CLASP2: variants seen among roughly 807,000 people sequenced by gnomAD.
CLASP2 encodes the protein CLIP-associating protein 2.
Under a neutral mutation model 194.4 loss-of-function variants are expected in CLASP2, and 47 were observed. The ratio of observed to expected loss-of-function variants is 0.24; its 90% CI spans 0.19 to 0.31. The LOEUF is 0.31. Ranked by LOEUF, CLASP2 falls within the 10% of genes least tolerant of loss-of-function variation. The pLI is 1.00. For synonymous variants in CLASP2, 619 were observed against 633.5 expected (o/e 0.98, Z 0.34); for missense variants, 1,445 against 1,823.6 (o/e 0.79, Z 3.78).
At chr3:33,553,068 T>A (rs761790979) in intron 29 of CLASP2, among the ~76,000 whole-genome samples, 14 of 152,286 alleles carry the variant, frequency 9.2e-5, no homozygotes, top group Admixed American at 2.0e-4. Flanking sequence ...GAAAAAATTG[T>A]CAAATTTTAA....
chr3:33,649,507 CACAA>C (rs1435106920), intron 7 of CLASP2, among the ~76,000 whole-genome samples: 1 of 152,122 alleles, frequency 6.6e-6, no homozygotes, highest in Non-Finnish European at 1.5e-5. Context: ...ATACTACAAA[CACAA>C]ACAATGATAC....
chr3:33,522,808 C>T (rs949832150), intron 34 of CLASP2, among the ~76,000 whole-genome samples: 5 of 152,174 alleles, frequency 3.3e-5, no homozygotes, highest in South Asian at 2.1e-4. Context: ...CAGTGGCTCA[C>T]GCCTGTAATC....
intron 7 of CLASP2, among the ~76,000 whole-genome samples, chr3:33,648,429 C>T (rs941145703): frequency 5.3e-5 from 8 of 151,702 alleles, no homozygotes; most frequent in Admixed American, 2.6e-4. Context: ...GGTTATTCCA[C>T]GGGAAAAAAA....
At position 33,684,388 on chromosome 3, in the gene CLASP2, A is replaced by T. The variant is rs751861507; in HGVS notation, c.615T>A (p.Asp205Glu). ...YRHVGEKVRM[D>E]LYKRGIPPAR... ...CAGGGGGAATTCCTCTCTTATAAAG[A>T]TCCATCCTCACTTTTTCTCCCACAT... is the stretch of plus-strand genomic sequence containing the variant. The change falls in exon 6 of 39, where the codon GAT becomes GAA. Residue 205 changes from aspartate (D) to glutamate (E), a missense_variant. By Grantham distance (45) the Asp-to-Glu change is conservative. Around this residue, in one of 4 missense-constraint regions of CLASP2, gnomAD observed 332 missense variants for 325.3 expected, o/e 1.02. Transcript: ENST00000682230. The T allele has an allele frequency of 1.9e-5, 31 of 1,604,606 alleles. No homozygotes were observed. The highest frequency in any genetic ancestry group is 2.6e-5 in the Non-Finnish European group (31 of 1,174,966).
intron 1 of CLASP2, among the ~76,000 whole-genome samples, chr3:33,698,755 CA>C (rs2154352035): frequency 6.6e-6 from 1 of 152,282 alleles, no homozygotes; most frequent in Admixed American, 6.5e-5. Context: ...AGAAAAAAGG[CA>C]TGTCATCTCC....
chr3:33,671,035 T>C (rs1173700572), intron 6 of CLASP2, among the ~76,000 whole-genome samples: 1 of 152,104 alleles, frequency 6.6e-6, no homozygotes, highest in Non-Finnish European at 1.5e-5. Context: ...CTGCTCTAGT[T>C]TTCCACGTGG....
At chr3:33,573,799 C>G (rs2064260413) in intron 24 of CLASP2, among the ~76,000 whole-genome samples, 1 of 151,894 alleles carries the variant, frequency 6.6e-6, no homozygotes, top group African/African-American at 2.4e-5. Context: ...CCATTTTTTT[C>G]TGTCTATCTT....
At chr3:33,648,188 C>G (rs1183601760) in intron 7 of CLASP2, among the ~76,000 whole-genome samples, 1 of 151,918 alleles carries the variant, frequency 6.6e-6, no homozygotes, top group Non-Finnish European at 1.5e-5. Flanking sequence ...ATCAGTAATT[C>G]TCTTAAATAT....
intron 1 of CLASP2, among the ~76,000 whole-genome samples, chr3:33,703,265 A>C (rs1427101978): frequency 6.6e-6 from 1 of 152,244 alleles, no homozygotes; most frequent in Non-Finnish European, 1.5e-5. Context: ...CAACAAGAAA[A>C]TAAACAACTC....
intron 29 of CLASP2, 21 bp from the exon 30 acceptor site, chr3:33,551,416 A>G (rs1232171233): frequency 1.2e-6 from 2 of 1,604,696 alleles, no homozygotes; most frequent in African/African-American, 1.3e-5. Context: ...AAGCACAAAG[A>G]GAAAGGACAG....
At chr3:33,686,490 C>T (rs993202855) in intron 5 of CLASP2, among the ~76,000 whole-genome samples, 2 of 152,128 alleles carry the variant, frequency 1.3e-5, no homozygotes, top group African/African-American at 4.8e-5. Context: ...TCGCATACTC[C>T]TTATGAGAAT....
intron 1 of CLASP2, among the ~76,000 whole-genome samples, chr3:33,715,491 TCC>T: frequency 6.6e-6 from 1 of 152,174 alleles, no homozygotes; most frequent in South Asian, 2.1e-4. Flanking sequence ...AGAATCTAAG[TCC>T]ACAAAGACAA....
At chr3:33,644,534 C>A in intron 8 of CLASP2, 1 of 524,448 alleles carries the variant, frequency 1.9e-6, no homozygotes, top group Non-Finnish European at 3.4e-6. Flanking sequence ...AATAAATACC[C>A]TCAAGAAGAG....
At chr3:33,613,931 G>A (rs2075660620) in intron 12 of CLASP2, among the ~76,000 whole-genome samples, 2 of 152,220 alleles carry the variant, frequency 1.3e-5, no homozygotes, top group South Asian at 4.1e-4. Context: ...CTCAGGGGGA[G>A]CTGTACCAAA....
intron 9 of CLASP2, among the ~76,000 whole-genome samples, chr3:33,630,208 T>G (rs9841066): frequency 0.037 from 5,680 of 152,252 alleles, 344 homozygotes; most frequent in African/African-American, 0.13. Flanking sequence ...AACATATACT[T>G]CTTACACTTC....
intron 28 of CLASP2, 98 bp from the exon 29 acceptor site, chr3:33,559,483 C>G: frequency 1.5e-6 from 1 of 687,186 alleles, no homozygotes. Context: ...TAATGTCATC[C>G]AAAAAACATC....
In CLASP2 at chr3:33,573,318, T is replaced by A. The variant is rs1337994914; in HGVS notation, c.2491A>T (p.Met831Leu). ...CTGTTGGCGTCATCATCTGAATGCA[T>A]TCCATATGATTCATATCTTCTTCGA... ...PARRRYESYGMHSDDDANSDA... is the reference protein window; with the variant it reads ...PARRRYESYGLHSDDDANSDA... Residue 831 changes from methionine to leucine, a missense_variant, in exon 25 of 39, where the codon ATG becomes TTG. Physicochemically the swap from Met to Leu is conservative, Grantham distance 15. Coordinates refer to ENST00000682230, the MANE Select transcript of CLASP2 (RefSeq NM_001365631.1). The A allele has an allele frequency of 1.2e-6, 2 of 1,613,566 alleles. No homozygotes were observed. The highest frequency in any genetic ancestry group is 3.3e-5 in the Admixed American group (2 of 60,020).
chr3:33,664,972 A>G (rs868631248), intron 6 of CLASP2, among the ~76,000 whole-genome samples: 4 of 152,084 alleles, frequency 2.6e-5, no homozygotes, highest in Non-Finnish European at 5.9e-5. Context: ...GTGGTGGCAC[A>G]TATTTGTAGT....
At chr3:33,659,277 T>C in intron 7 of CLASP2, 1 of 1,206,992 alleles carries the variant, frequency 8.3e-7, no homozygotes, top group Non-Finnish European at 1.0e-6. Flanking sequence ...CAGGTTATGA[T>C]GTTTCTCCTT....
Sources: gnomAD v4.1 joint callset for allele counts (sites outside exome capture counted in the v4.1 genomes callset) on GRCh38, gnomAD v4.1.1 for gene constraint, gnomAD v4.1.1 regional missense constraint, MANE v1.5 for transcripts, NCBI Gene and HGNC (gene_info 2026-07-23, HGNC 2026-07-21) for gene names.